The following GARS1 variants were observed in gnomAD, a reference collection of about 807,000 sequenced individuals.
GARS1 encodes the protein glycyl-tRNA synthetase 1.
GARS1 carries 46 observed loss-of-function variants against 86.4 expected under a neutral mutation model. The ratio of observed to expected loss-of-function variants is 0.53; its 90% CI spans 0.42 to 0.68. The LOEUF is 0.68. Ranked by LOEUF, GARS1 falls within the 30% of genes least tolerant of loss-of-function variation. GARS1 has a pLI of 0.00. For synonymous variants in GARS1, 342 were observed against 329.8 expected, an observed-to-expected ratio of 1.04 and a Z score of -0.40; for missense variants, 797 against 915.6, an observed-to-expected ratio of 0.87 and a Z score of 1.67.
At chr7:30,594,754 G>A (rs907088979), upstream of GARS1, 2 of 618,320 alleles carry the variant, frequency 3.2e-6, no homozygotes, top group Non-Finnish European at 5.6e-6. Flanking sequence ...GTCCTTCCGG[G>A]TTTTGTGTCG....
At position 30,603,570 on chromosome 7, in the gene GARS1, C is replaced by A. The variant is rs756629704; in HGVS notation, c.733C>A (p.Gln245Lys). 3.7e-6 allele frequency: 6 copies of A among 1,610,498 alleles called. No individual in the cohort carries two copies. Among genetic ancestry groups the A allele is most frequent in the Non-Finnish European group, 5.1e-6 (6 of 1,177,160 alleles). ...KKSEMESVLA[Q>K]LDNYGQQELA... ...ATCAGAAATGGAAAGTGTTTTGGCC[C>A]AGGTGAGTACTCTAGAGATGTTATC... is the stretch of plus-strand genomic sequence containing the variant. The change falls in exon 6 of 17, where the codon CAG becomes AAG. Residue 245 changes from glutamine to lysine, a missense_variant and splice_region_variant. This residue lies in a region of GARS1 where 598 missense variants were observed against 738.7 expected (regional missense o/e 0.81). Coordinates refer to ENST00000389266, the MANE Select transcript of GARS1 (RefSeq NM_002047.4).
At chr7:30,595,192 G>A (rs1791220423) in intron 1 of GARS1, 49 bp downstream of exon 1, 1 of 1,470,926 alleles carries the variant, frequency 6.8e-7, no homozygotes, top group Non-Finnish European at 9.2e-7. Flanking sequence ...TCCTCCCAGG[G>A]CCTTCTTCTG....
At chr7:30,618,710 C>T (rs183696296) in intron 10 of GARS1, among the ~76,000 whole-genome samples, 69 of 152,292 alleles carry the variant, frequency 4.5e-4, no homozygotes, top group African/African-American at 1.5e-3. Context: ...GATTTTTCTA[C>T]GTGTTCTAAC....
intron 7 of GARS1, 28 bp downstream of exon 7, chr7:30,609,758 T>G: frequency 6.2e-7 from 1 of 1,610,254 alleles, no homozygotes; most frequent in Non-Finnish European, 8.5e-7. Context: ...TTTACCTGTT[T>G]ATGTAATGAA....
intron 1 of GARS1, chr7:30,595,859 CTGGGAAACTAA>C (rs765463444): frequency 1.5e-5 from 7 of 471,042 alleles, no homozygotes; most frequent in Non-Finnish European, 3.1e-5. Context: ...GATCGTAAAC[CTGGGAAACTAA>C]GTGTTGCGGA....
rs137852647 is a variant in GARS1, at chr7:30,626,280, G to A, written c.1660G>A (p.Asp554Asn). ...TEGKTFQLTK[D>N]MINVKRFQKT... ...AGGGAAAACATTTCAGTTAACAAAA[G>A]ACATGATCAATGTGAAGAGATTCCA... The change falls in exon 13 of 17, where the codon GAC becomes AAC. Residue 554 changes from aspartate to asparagine, a missense_variant. Physicochemically the swap from Asp to Asn is conservative, Grantham distance 23 (BLOSUM62 1). Transcript: ENST00000389266. 1.1e-5 allele frequency: 17 copies of A among 1,607,964 alleles called. No individual in the cohort carries two copies. Among genetic ancestry groups the A allele is most frequent in the South Asian group, 3.3e-5 (3 of 90,882 alleles).
Position 30,595,017 on chromosome 7 carries a change from C to T in GARS1, c.96C>T (p.Leu32=). Residue 32 remains leucine (L), a synonymous_variant, in exon 1 of 17, where the codon CTC becomes CTT. Transcript: ENST00000389266. ...TCTTAGCCCGACCCTCGCTCCTGCT[C>T]CGCCGGTCCCTCAGCGCGGCCTCCT... ...PRLLARPSLL[L]RRSLSAASCP... 6.3e-7 allele frequency: 1 copy of T among 1,580,542 alleles called. No individual in the cohort carries two copies. Among genetic ancestry groups the T allele is most frequent in the African/African-American group, 1.3e-5 (1 of 74,668 alleles).
intron 11 of GARS1, 190 bp downstream of exon 11, chr7:30,621,690 T>A: frequency 1.6e-6 from 1 of 621,610 alleles, no homozygotes; most frequent in Non-Finnish European, 2.9e-6. Flanking sequence ...TAGTCTGACG[T>A]GTGCCCACTC....
intron 12 of GARS1, among the ~76,000 whole-genome samples, chr7:30,625,950 T>G (rs1163886647): frequency 6.6e-6 from 1 of 152,220 alleles, no homozygotes; most frequent in Non-Finnish European, 1.5e-5. Context: ...GGTTTTACCT[T>G]GATTCAAAAC....
chr7:30,612,370 A>G (rs1782777622), intron 8 of GARS1, 125 bp downstream of exon 8: 1 of 968,428 alleles, frequency 1.0e-6, no homozygotes, highest in Non-Finnish European at 1.6e-6. Flanking sequence ...TGTTTTCTCC[A>G]AAAATCATGT....
rs1562772811 is a variant in GARS1 at position 30,603,109 on chromosome 7, C to T, written c.645C>T (p.Asp215=). 6.2e-7 allele frequency: 1 copy of T among 1,613,180 alleles called. No homozygotes were observed. The highest frequency in any genetic ancestry group is 8.5e-7 in the Non-Finnish European group (1 of 1,179,392). The change falls in exon 5 of 17, where the codon GAC becomes GAT. Residue 215 remains aspartate, a synonymous_variant. Transcript: ENST00000389266. ...DVKNGECFRA[D]HLLKAHLQKL... Reference sequence around the variant, plus strand: ...AAAATGGAGAATGTTTTCGTGCTGACCATCTATTAAAAGGTGAGGTTCTTC... The same window carrying T: ...AAAATGGAGAATGTTTTCGTGCTGATCATCTATTAAAAGGTGAGGTTCTTC...
In GARS1 at chr7:30,626,196, G is replaced by T. The variant is rs572609342; in HGVS notation, c.1614-38G>T. The T allele has an allele frequency of 2.2e-6, 3 of 1,365,036 alleles. No individual in the cohort carries two copies. The South Asian group carries it at 3.5e-5, about 16-fold the overall frequency. The allele number at this position is 1,365,036 out of a possible 1,614,324, so 84.6% of individuals were successfully genotyped here. ...CTTTAAATTAAGGCACAGGGTGCCT[G>T]TTTGAACTAATACAAAATGTGTTTT... On this transcript the variant is annotated intron_variant, in intron 12 of 16. Coordinates refer to ENST00000389266, the MANE Select transcript of GARS1 (RefSeq NM_002047.4).
rs557767198 is a variant in GARS1 at position 30,595,954 on chromosome 7, C to G, written c.222+811C>G. 29 of 469,210 alleles carry G rather than the reference C, an allele frequency of 6.2e-5. 1 individual carries two copies. In the Admixed American group the frequency reaches 6.9e-4, roughly 11 times the overall value. 29.1% of individuals were successfully genotyped at this position (469,210 alleles called of 1,614,324 possible). On this transcript the variant is annotated intron_variant, in intron 1 of 16. Transcript: ENST00000389266. Reference sequence around the variant, plus strand: ...CGAAGGTGAGGGAAGGTTTCATGGGCTGAAGGACTTGGTGATTTAATATAG... The same window carrying G: ...CGAAGGTGAGGGAAGGTTTCATGGGGTGAAGGACTTGGTGATTTAATATAG...
At chr7:30,615,624 TAATGTGTTTA>T (rs1482747472) in intron 8 of GARS1, among the ~76,000 whole-genome samples, 1 of 152,154 alleles carries the variant, frequency 6.6e-6, no homozygotes, top group Non-Finnish European at 1.5e-5. Context: ...AAATTTTCAT[TAATGTGTTTA>T]AAAATAACCT....
At chr7:30,633,431 G>A (rs1562784696) in intron 16 of GARS1, among the ~76,000 whole-genome samples, 1 of 152,186 alleles carries the variant, frequency 6.6e-6, no homozygotes, top group Non-Finnish European at 1.5e-5. Context: ...TCTCCAGTTT[G>A]CCAGTCTTAT....
intron 13 of GARS1, among the ~76,000 whole-genome samples, chr7:30,628,068 T>A (rs1783161574): frequency 6.6e-6 from 1 of 152,244 alleles, no homozygotes; most frequent in South Asian, 2.1e-4. Flanking sequence ...TTCAAAGGCA[T>A]GTTTCCTATC....
At chr7:30,608,434 C>T (rs931270025) in intron 6 of GARS1, among the ~76,000 whole-genome samples, 6 of 152,128 alleles carry the variant, frequency 3.9e-5, no homozygotes, top group Non-Finnish European at 5.9e-5. Context: ...TTATGGTACC[C>T]GTGTCTTGAA....
chr7:30,626,932 G>T, intron 13 of GARS1: 1 of 351,966 alleles, frequency 2.8e-6, no homozygotes, highest in Non-Finnish European at 5.5e-6. Flanking sequence ...AGTGAGCCGA[G>T]ATCACGCCAT....
chr7:30,619,930 A>T (rs1782969945), intron 10 of GARS1, among the ~76,000 whole-genome samples: 2 of 151,570 alleles, frequency 1.3e-5, no homozygotes. Context: ...GATACATGGC[A>T]CTGCACCCAG....
Sources: allele counts gnomAD v4.1 joint callset (sites outside exome capture counted in the v4.1 genomes callset), GRCh38; gene constraint gnomAD v4.1.1; regional missense constraint gnomAD v4.1.1; transcripts MANE v1.5; gene names NCBI Gene and HGNC (gene_info 2026-07-23, HGNC 2026-07-21).